The following LNPK variants were observed in gnomAD, a reference collection of about 807,000 sequenced individuals.
The protein encoded by LNPK is endoplasmic reticulum junction formation protein lunapark.
Under a neutral mutation model 55.2 loss-of-function variants are expected in LNPK, and 29 were observed. The observed-to-expected ratio is 0.53, with a 90% confidence interval of 0.39 to 0.72. The LOEUF (loss-of-function observed/expected upper bound fraction) is 0.72. Among genes scored for constraint, LNPK ranks in the 30% least tolerant of loss-of-function variants. The pLI is 0.00. For missense variants in LNPK, 467 were observed against 494.8 expected (o/e 0.94, Z 0.53); for synonymous variants, 162 against 168.2 (o/e 0.96, Z 0.29).
chr2:175,942,925 GAA>G (rs1028436094), intron 9 of LNPK, among the ~76,000 whole-genome samples: 1 of 133,956 alleles, frequency 7.5e-6, no homozygotes, highest in Admixed American at 7.5e-5. Flanking sequence ...GACTAATCAG[GAA>G]AAAAAAAAAA....
rs999521706 is a variant in LNPK at position 175,925,448 on chromosome 2, T to G, written c.*4519A>C. 6.6e-6 allele frequency: 1 copy of G among 152,188 alleles called. No individual in the cohort carries two copies. Among genetic ancestry groups the G allele is most frequent in the African/African-American group, 2.4e-5 (1 of 41,432 alleles). The allele number at this position is 152,188 out of a possible 1,614,324, so 9.4% of individuals were successfully genotyped here. A position where few individuals can be genotyped will look rare whatever the true frequency, so the allele number is the denominator to read the frequency against. On this transcript the variant is annotated 3_prime_UTR_variant, in exon 13 of 13. Transcript: ENST00000272748. ...CTGGGAGATGAGAAAAGACTGCATA[T>G]GCAAAACACAGAAAACACTACTATT...
At position 175,934,048 on chromosome 2, in the gene LNPK, A is replaced by G. The variant is rs1234702197; in HGVS notation, c.1054+3296T>C. Among the ~76,000 whole-genome samples the G allele has an allele frequency of 2.6e-5, 4 of 152,180 alleles. No individual in the cohort carries two copies. The East Asian group carries it at 7.7e-4, about 29-fold the overall frequency. On this transcript the variant is annotated intron_variant, in intron 12 of 12. Coordinates refer to ENST00000272748, the MANE Select transcript of LNPK (RefSeq NM_030650.3). ...TGGCCAAGAGTTTAATTATTAAGCA[A>G]TGATCTAAAACTAAACTATTAAGTG...
intron 5 of LNPK, among the ~76,000 whole-genome samples, chr2:175,975,558 G>A (rs1199132310): frequency 9.2e-5 from 14 of 152,034 alleles, no homozygotes; most frequent in African/African-American, 2.7e-4. Context: ...TGAAGAATGC[G>A]GTATCCTTCC....
Position 175,947,545 on chromosome 2 carries a change from G to A in LNPK, c.641C>T (p.Pro214Leu), listed in dbSNP as rs776998407. Residue 214 changes from proline to leucine, a missense_variant, in exon 9 of 13, where the codon CCA becomes CTA. Pro to Leu is a moderately conservative substitution (Grantham distance 98, BLOSUM62 -3). Coordinates refer to ENST00000272748, the MANE Select transcript of LNPK (RefSeq NM_030650.3). The part of the protein sequence containing the change: ...PGGPPERTVT[P>L]ALSSNVLPRH... ...TGGTAACACATTTGATGATAGGGCTGGAGTAACAGTCCTTTCTGGGGGTCC... is the reference window on the plus strand; with the variant it reads ...TGGTAACACATTTGATGATAGGGCTAGAGTAACAGTCCTTTCTGGGGGTCC... The A allele has an allele frequency of 5.8e-5, 94 of 1,613,938 alleles. No individual in the cohort carries two copies. Among genetic ancestry groups the A allele is most frequent in the Non-Finnish European group, 6.9e-5 (82 of 1,179,970 alleles).
chr2:175,959,514 G>A (rs1225573423), intron 8 of LNPK, among the ~76,000 whole-genome samples: 1 of 152,186 alleles, frequency 6.6e-6, no homozygotes, highest in Non-Finnish European at 1.5e-5. Flanking sequence ...CAAATGCTGA[G>A]AGACTTTGTC....
At chr2:175,981,564 T>C (rs1292593026) in intron 4 of LNPK, among the ~76,000 whole-genome samples, 6 of 151,998 alleles carry the variant, frequency 3.9e-5, no homozygotes, top group African/African-American at 1.5e-4. Context: ...AAACTAAACA[T>C]AGGCTTGCCA....
intron 8 of LNPK, among the ~76,000 whole-genome samples, chr2:175,958,313 G>T (rs1199700573): frequency 6.6e-6 from 1 of 152,156 alleles, no homozygotes; most frequent in African/African-American, 2.4e-5. Context: ...GCCAGTAGGG[G>T]TCGACCGACA....
intron 5 of LNPK, among the ~76,000 whole-genome samples, chr2:175,971,281 T>C (rs1686651224): frequency 6.6e-6 from 1 of 152,094 alleles, no homozygotes; most frequent in Admixed American, 6.6e-5. Flanking sequence ...AAAATCTACC[T>C]TATTGCATCT....
At chr2:175,951,967 T>C (rs1032069970) in intron 8 of LNPK, among the ~76,000 whole-genome samples, 1 of 152,056 alleles carries the variant, frequency 6.6e-6, no homozygotes, top group Admixed American at 6.6e-5. Flanking sequence ...TGGTTTTGAT[T>C]TGCATTTCCC....
At position 175,927,472 on chromosome 2, in the gene LNPK, G is replaced by A. The variant is rs1053461215; in HGVS notation, c.*2495C>T. The A allele has an allele frequency of 6.6e-6, 1 of 152,260 alleles. No homozygotes were observed. Among genetic ancestry groups the A allele is most frequent in the Admixed American group, 6.5e-5 (1 of 15,276 alleles). 9.4% of individuals were successfully genotyped at this position (152,260 alleles called of 1,614,324 possible). ...CAGCTTCAGATGGGGAGTTTGGGAA[G>A]GCATCTCTCTGAGGAGGCAAAATTT... On this transcript the variant is annotated 3_prime_UTR_variant, in exon 13 of 13. Coordinates refer to ENST00000272748, the MANE Select transcript of LNPK (RefSeq NM_030650.3).
chr2:175,991,306 C>G (rs776170979), intron 4 of LNPK, among the ~76,000 whole-genome samples: 1 of 152,044 alleles, frequency 6.6e-6, no homozygotes, highest in Non-Finnish European at 1.5e-5. Flanking sequence ...TTATAAAATC[C>G]ACTACTTCTG....
intron 9 of LNPK, among the ~76,000 whole-genome samples, chr2:175,942,880 T>C (rs1326751507): frequency 6.6e-6 from 1 of 151,072 alleles, no homozygotes; most frequent in Non-Finnish European, 1.5e-5. Flanking sequence ...AGCTGGTTCT[T>C]TGAAAAGATC....
intron 8 of LNPK, among the ~76,000 whole-genome samples, chr2:175,953,179 T>C (rs939510981): frequency 6.6e-6 from 1 of 152,136 alleles, no homozygotes; most frequent in African/African-American, 2.4e-5. Flanking sequence ...TGATCATTCA[T>C]TCTTTTTCCT....
At position 175,978,339 on chromosome 2, in the gene LNPK, A is replaced by T. The variant is rs1206678719; in HGVS notation, c.316+1471T>A. On this transcript the variant is annotated intron_variant, in intron 5 of 12. Coordinates refer to ENST00000272748, the MANE Select transcript of LNPK (RefSeq NM_030650.3). ...ACTTTTATTCTCGGAGGGTATTGGG[A>T]CCAATCCCTCACAGATACTGAAGGA... is the stretch of plus-strand genomic sequence containing the variant. Among the ~76,000 whole-genome samples the T allele has an allele frequency of 2.6e-5, 4 of 152,258 alleles. No individual in the cohort carries two copies. The East Asian group carries it at 7.7e-4, about 29-fold the overall frequency.
chr2:175,970,678 G>A, intron 6 of LNPK, 86 bp downstream of exon 6: 2 of 687,076 alleles, frequency 2.9e-6, no homozygotes, highest in Non-Finnish European at 4.2e-6. Flanking sequence ...CTTCCTTGGA[G>A]AGTTATTAAC....
At chr2:175,986,078 G>C (rs569380118) in intron 4 of LNPK, among the ~76,000 whole-genome samples, 1 of 152,250 alleles carries the variant, frequency 6.6e-6, no homozygotes, top group African/African-American at 2.4e-5. Flanking sequence ...AAAGAGCAAA[G>C]CATCAACATT....
At chr2:175,956,077 C>A (rs1235789121) in intron 8 of LNPK, among the ~76,000 whole-genome samples, 1 of 151,838 alleles carries the variant, frequency 6.6e-6, no homozygotes, top group East Asian at 1.9e-4. Flanking sequence ...CCCAGGAGTT[C>A]AAGACCAGCC....
chr2:175,964,257 A>T (rs1163997208), intron 8 of LNPK, 115 bp downstream of exon 8: 1 of 714,816 alleles, frequency 1.4e-6, no homozygotes, highest in African/African-American at 1.8e-5. Context: ...CCAAATATAA[A>T]TTTACACAGA....
intron 9 of LNPK, among the ~76,000 whole-genome samples, chr2:175,943,480 C>A (rs186066526): frequency 8.6e-5 from 13 of 151,988 alleles, no homozygotes; most frequent in African/African-American, 3.1e-4. Flanking sequence ...ACCACAGACC[C>A]AATATTCCTA....
Sources: gnomAD v4.1 joint callset for allele counts (sites outside exome capture counted in the v4.1 genomes callset) on GRCh38, gnomAD v4.1.1 for gene constraint, MANE v1.5 for transcripts, NCBI Gene and HGNC (gene_info 2026-07-23, HGNC 2026-07-21) for gene names.